EBF1: variants seen among roughly 807,000 people sequenced by gnomAD.
EBF1 encodes the protein transcription factor COE1.
In EBF1, 10 loss-of-function variants were observed where a neutral mutation model predicts 68.4. The observed-to-expected ratio is 0.15, with a 90% confidence interval of 0.09 to 0.25. The LOEUF (loss-of-function observed/expected upper bound fraction) is 0.25, where lower values mean the gene tolerates loss of function less well. EBF1 is among the 10% of genes least tolerant of loss of function. The pLI is 1.00. For synonymous variants in EBF1, 298 were observed against 299.8 expected, an observed-to-expected ratio of 0.99 and a Z score of 0.06; for missense variants, 509 against 794.4, an observed-to-expected ratio of 0.64 and a Z score of 4.32.
Position 158,730,915 on chromosome 5 carries a change from G to T in EBF1, c.1125+154C>A, listed in dbSNP as rs544638644. ...AGTGTTGCCTGGCACATAAGTGCTT[G>T]CTACTTTTATTATTGCTTACCTTAC... On this transcript the variant is annotated intron_variant, in intron 11 of 15. Coordinates refer to ENST00000313708, the MANE Select transcript of EBF1 (RefSeq NM_024007.5). 19 of 631,478 alleles carry T rather than the reference G, an allele frequency of 3.0e-5. No individual in the cohort carries two copies. The South Asian group carries it at 3.8e-4, about 13-fold the overall frequency. The allele number at this position is 631,478 out of a possible 1,614,324, so 39.1% of individuals were successfully genotyped here.
chr5:158,967,422 C>T (rs1304664433), intron 6 of EBF1, among the ~76,000 whole-genome samples: 2 of 152,164 alleles, frequency 1.3e-5, no homozygotes, highest in Non-Finnish European at 2.9e-5. Context: ...CATCAAGATG[C>T]TTGTTGTAGG....
intron 6 of EBF1, among the ~76,000 whole-genome samples, chr5:158,913,560 T>C (rs1172405274): frequency 6.6e-6 from 1 of 151,820 alleles, no homozygotes. Context: ...CCCACTGAGA[T>C]TTGGGGAGAG....
At chr5:159,095,331 G>A (rs919752623) in intron 4 of EBF1, among the ~76,000 whole-genome samples, 2 of 152,164 alleles carry the variant, frequency 1.3e-5, no homozygotes, top group Non-Finnish European at 2.9e-5. Context: ...GGGCTCCCTG[G>A]CCGGGTCAGA....
chr5:158,912,248 GT>G (rs1257401304), intron 6 of EBF1, among the ~76,000 whole-genome samples: 6 of 152,186 alleles, frequency 3.9e-5, no homozygotes, highest in Non-Finnish European at 7.3e-5. Flanking sequence ...ATAGCCATTA[GT>G]TTCACCTACG....
chr5:158,875,894 T>C (rs925625085), intron 6 of EBF1, among the ~76,000 whole-genome samples: 1 of 152,214 alleles, frequency 6.6e-6, no homozygotes, highest in African/African-American at 2.4e-5. Context: ...AACCTAAAAC[T>C]GTAAAGACTT....
intron 6 of EBF1, among the ~76,000 whole-genome samples, chr5:158,913,843 T>C (rs551795409): frequency 2.1e-4 from 32 of 152,336 alleles, no homozygotes; most frequent in African/African-American, 6.3e-4. Flanking sequence ...AAATAAAATA[T>C]CTGTACGTAA....
chr5:158,776,751 C>T (rs966115135), intron 10 of EBF1, among the ~76,000 whole-genome samples: 1 of 152,148 alleles, frequency 6.6e-6, no homozygotes, highest in Admixed American at 6.5e-5. Context: ...TGTAAAAGAT[C>T]CCTGGGTATT....
At chr5:158,910,198 C>T (rs1350446412) in intron 6 of EBF1, among the ~76,000 whole-genome samples, 1 of 152,122 alleles carries the variant, frequency 6.6e-6, no homozygotes, top group Non-Finnish European at 1.5e-5. Flanking sequence ...CTCAGTGTCC[C>T]AATCTGTAAA....
chr5:159,084,878 G>T, intron 4 of EBF1, 139 bp from the exon 5 acceptor site: 1 of 581,882 alleles, frequency 1.7e-6, no homozygotes, highest in Middle Eastern at 3.5e-4. Context: ...TCACTGGGTT[G>T]ATCGTCTGAA....
chr5:158,808,055 C>G (rs1342658625), intron 8 of EBF1, among the ~76,000 whole-genome samples: 1 of 152,286 alleles, frequency 6.6e-6, no homozygotes, highest in South Asian at 2.1e-4. Flanking sequence ...CCAGTTTCCT[C>G]TCCTCCCTGA....
intron 6 of EBF1, among the ~76,000 whole-genome samples, chr5:158,969,257 G>A (rs1754814548): frequency 6.6e-6 from 1 of 152,140 alleles, no homozygotes; most frequent in Non-Finnish European, 1.5e-5. Context: ...AGCCAAAATT[G>A]CACCACTGTG....
chr5:159,072,160 A>G (rs1777910594), intron 6 of EBF1, among the ~76,000 whole-genome samples: 1 of 152,184 alleles, frequency 6.6e-6, no homozygotes, highest in Non-Finnish European at 1.5e-5. Flanking sequence ...ATACTCTTAT[A>G]TGGAGCAAAA....
chr5:158,726,964 TG>T (rs1238134246), intron 11 of EBF1, among the ~76,000 whole-genome samples: 3 of 152,328 alleles, frequency 2.0e-5, no homozygotes, highest in South Asian at 2.1e-4. Flanking sequence ...ACTGGAGTCT[TG>T]CTAGATGCCA....
intron 10 of EBF1, among the ~76,000 whole-genome samples, chr5:158,766,811 G>A (rs62386871): frequency 2.0e-5 from 3 of 152,062 alleles, no homozygotes; most frequent in Non-Finnish European, 4.4e-5. Context: ...AAAGCAGGAC[G>A]CAAAACTATA....
At chr5:159,039,772 C>T (rs1561860021) in intron 6 of EBF1, among the ~76,000 whole-genome samples, 1 of 152,162 alleles carries the variant, frequency 6.6e-6, no homozygotes, top group Non-Finnish European at 1.5e-5. Context: ...GATTCATGCT[C>T]ACCTAAAAGC....
At chr5:158,780,683 G>A (rs1435763080) in intron 9 of EBF1, among the ~76,000 whole-genome samples, 1 of 152,086 alleles carries the variant, frequency 6.6e-6, no homozygotes, top group Non-Finnish European at 1.5e-5. Context: ...TGATTAGCTA[G>A]TGTTAAATAT....
At chr5:158,811,069 C>CA (rs1158709682) in intron 8 of EBF1, among the ~76,000 whole-genome samples, 1 of 152,154 alleles carries the variant, frequency 6.6e-6, no homozygotes, top group African/African-American at 2.4e-5. Flanking sequence ...CATCTGATAA[C>CA]AATGATGACC....
chr5:158,834,533 T>C (rs1788300028), intron 7 of EBF1, among the ~76,000 whole-genome samples: 1 of 151,662 alleles, frequency 6.6e-6, no homozygotes, highest in Non-Finnish European at 1.5e-5. Flanking sequence ...TTGTGCCAGA[T>C]TTTCTACAAG....
At chr5:158,844,668 A>G (rs1422076667) in intron 6 of EBF1, among the ~76,000 whole-genome samples, 1 of 152,216 alleles carries the variant, frequency 6.6e-6, no homozygotes, top group Non-Finnish European at 1.5e-5. Flanking sequence ...TTTTCCCAAC[A>G]TAATATTAGC....
Sources: allele counts gnomAD v4.1 joint callset (sites outside exome capture counted in the v4.1 genomes callset), GRCh38; gene constraint gnomAD v4.1.1; transcripts MANE v1.5; gene names NCBI Gene and HGNC (gene_info 2026-07-23, HGNC 2026-07-21).